The following USP5 variants were observed in gnomAD, a reference collection of about 807,000 sequenced individuals.
The protein encoded by USP5 is ubiquitin specific peptidase 5, also known as ubiquitin carboxyl-terminal hydrolase 5.
Under a neutral mutation model 102.5 loss-of-function variants are expected in USP5, and 24 were observed. The observed-to-expected ratio is 0.23, with a 90% CI of 0.17 to 0.33. USP5 has a LOEUF of 0.33. USP5 is among the 10% of genes least tolerant of loss of function. The pLI is 1.00. For synonymous variants in USP5, 460 were observed against 434.8 expected (o/e 1.06, Z -0.72); for missense variants, 753 against 1,122.1 (o/e 0.67, Z 4.70).
At chr12:6,852,471 C>T (rs1182134117) in intron 1 of USP5, among the ~76,000 whole-genome samples, 181 bp downstream of exon 1, 1 of 152,272 alleles carries the variant, frequency 6.6e-6, no homozygotes, top group Non-Finnish European at 1.5e-5. Flanking sequence ...ACTACCGTCC[C>T]CGGAAGCCGC....
rs1168954551 is a variant in USP5 at position 6,861,681 on chromosome 12, C to G, written c.1673+64C>G. ...GGCAGAGCTATCCCAGAGGATACTT[C>G]TGTCTCTTCCCTGTTCTTTCATCCC... is the stretch of plus-strand genomic sequence containing the variant. On this transcript the variant is annotated intron_variant, in intron 13 of 19. Coordinates refer to ENST00000229268, the MANE Select transcript of USP5 (RefSeq NM_001098536.2). The surrounding 1 kb of genome is among the most constrained non-coding windows in gnomAD (Gnocchi z 4.9). 1.4e-6 allele frequency: 2 copies of G among 1,409,894 alleles called. No individual in the cohort carries two copies. The highest frequency in any genetic ancestry group is 2.6e-5 in the Admixed American group (1 of 38,712). 87.3% of individuals were successfully genotyped at this position (1,409,894 alleles called of 1,614,324 possible).
chr12:6,861,724 A>C lies in USP5; in HGVS notation c.1673+107A>C, dbSNP rs1944283822. ...TTCATCCCTTTGTGGTTGGAACCTC[A>C]GGGTTGAATCAGTTGGGCTGGTAAT... On this transcript the variant is annotated intron_variant, in intron 13 of 19. Transcript: ENST00000229268. The surrounding 1 kb of genome is among the most constrained non-coding windows in gnomAD (Gnocchi z 4.9). 5 of 1,268,890 alleles carry C rather than the reference A, an allele frequency of 3.9e-6. No homozygotes were observed. The highest frequency in any genetic ancestry group is 5.1e-6 in the Non-Finnish European group (5 of 979,362). The allele number at this position is 1,268,890 out of a possible 1,614,324, so 78.6% of individuals were successfully genotyped here. A position where few individuals can be genotyped will look rare whatever the true frequency, so the allele number is the denominator to read the frequency against.
chr12:6,855,326 T>C lies in USP5; in HGVS notation c.112-75T>C. 1.3e-6 allele frequency: 2 copies of C among 1,578,118 alleles called. No homozygotes were observed. The highest frequency in any genetic ancestry group is 1.7e-6 in the Non-Finnish European group (2 of 1,160,332). Reference sequence around the variant, plus strand: ...CTTCTGGAACCCAGCAGTTTCTGACTCCAGGTTTTGGTTTCCTCACCTGAC... The same window carrying C: ...CTTCTGGAACCCAGCAGTTTCTGACCCCAGGTTTTGGTTTCCTCACCTGAC... On this transcript the variant is annotated intron_variant, in intron 1 of 19. Coordinates refer to ENST00000229268, the MANE Select transcript of USP5 (RefSeq NM_001098536.2). The surrounding 1 kb of genome is among the most constrained non-coding windows in gnomAD (Gnocchi z 4.6).
At position 6,858,364 on chromosome 12, in the gene USP5, C is replaced by T. The variant is rs925958472; in HGVS notation, c.865-60C>T. ...TATCATCCTAGACTCAGTGAGAGAT[C>T]GAGGTAAAAACTACAGGGTTGAGTT... is the stretch of plus-strand genomic sequence containing the variant. On this transcript the variant is annotated intron_variant, in intron 7 of 19. Transcript: ENST00000229268. This position sits in a 1 kb window ranked among gnomAD's most constrained non-coding sequence, Gnocchi z 4.2. The T allele has an allele frequency of 3.5e-5, 54 of 1,539,606 alleles. No individual in the cohort carries two copies. Among genetic ancestry groups the T allele is most frequent in the East Asian group, 4.6e-5 (2 of 43,778 alleles).
chr12:6,859,376 A>C, intron 8 of USP5, 94 bp from the exon 9 acceptor site: 1 of 1,274,904 alleles, frequency 7.8e-7, no homozygotes, highest in Non-Finnish European at 1.1e-6. Context: ...TCTTGAGGGG[A>C]GCCCGTTCAC....
At chr12:6,854,619 A>C (rs1407823093) in intron 1 of USP5, among the ~76,000 whole-genome samples, 1 of 151,154 alleles carries the variant, frequency 6.6e-6, no homozygotes, top group Middle Eastern at 3.4e-3. Context: ...AAATCTAGGC[A>C]TGGTGGCATG....
rs782639190 is a variant in USP5 at position 6,856,352 on chromosome 12, C to G, written c.486C>G (p.Arg162=). The change falls in exon 5 of 20, where the codon CGC becomes CGG. Residue 162 remains arginine (R), a synonymous_variant. Transcript: ENST00000229268. This position sits in a 1 kb window ranked among gnomAD's most constrained non-coding sequence, Gnocchi z 5.6. The part of the protein sequence containing the change: ...EALLSADSAS[R]KQEVQAWDGE... ...TACTGTCGGCCGACTCAGCCTCCCG[C>G]AAGCAGGAGGTGCAGGCATGGGATG... is the stretch of plus-strand genomic sequence containing the variant. The G allele has an allele frequency of 6.2e-7, 1 of 1,613,970 alleles. No individual in the cohort carries two copies. Among genetic ancestry groups the G allele is most frequent in the Non-Finnish European group, 8.5e-7 (1 of 1,179,972 alleles).
At chr12:6,862,425 A>G in intron 13 of USP5, 45 bp from the exon 14 acceptor site, 2 of 1,572,878 alleles carry the variant, frequency 1.3e-6, no homozygotes, top group Admixed American at 1.7e-5. Context: ...AGGAGAGGAA[A>G]ACCCTGGGGA....
At chr12:6,862,426 A>G in intron 13 of USP5, 44 bp from the exon 14 acceptor site, 1 of 1,573,486 alleles carries the variant, frequency 6.4e-7, no homozygotes, top group South Asian at 1.1e-5. Flanking sequence ...GGAGAGGAAA[A>G]CCCTGGGGAT....
rs782318890 is a variant in USP5 at position 6,864,737 on chromosome 12, C to T, written c.2260C>T (p.Arg754Trp). The T allele has an allele frequency of 6.8e-6, 11 of 1,610,610 alleles. No homozygotes were observed. The highest frequency in any genetic ancestry group is 3.3e-5 in the Admixed American group (2 of 59,994). The change falls in exon 18 of 20, where the codon CGG (arginine) becomes TGG (tryptophan). Residue 754 changes from arginine (R) to tryptophan (W), a missense_variant. By Grantham distance (101) the Arg-to-Trp change is moderately radical. This residue lies in a region of USP5 where 193 missense variants were observed against 230.2 expected (regional missense o/e 0.84). Transcript: ENST00000229268. This position sits in a 1 kb window ranked among gnomAD's most constrained non-coding sequence, Gnocchi z 4.8. ...ALRATNNSLE[R>W]AVDWIFSHID... ...CCTCTCCAAGAACAATAGTTTAGAA[C>T]GGGCTGTGGACTGGATCTTCAGTCA...
intron 1 of USP5, among the ~76,000 whole-genome samples, chr12:6,854,196 G>A (rs528906733): frequency 2.0e-5 from 3 of 152,340 alleles, no homozygotes; most frequent in Admixed American, 6.5e-5. Flanking sequence ...CAAGTGTTGC[G>A]AGATTGTTGT....
Position 6,861,517 on chromosome 12 carries a change from G to A in USP5, c.1573G>A (p.Ala525Thr), listed in dbSNP as rs782120052. 9 of 1,601,834 alleles carry A rather than the reference G, an allele frequency of 5.6e-6. No individual in the cohort carries two copies. The African/African-American group carries it at 1.1e-4, about 19-fold the overall frequency. ...EKMALPELVR[A>T]QVPFSSCLEA... ...GATGGCACTGCCAGAACTGGTTCGG[G>A]CCCAGGTGCCCTTCAGCTCTTGCCT... The change falls in exon 13 of 20, where the codon GCC becomes ACC. Residue 525 changes from alanine to threonine, a missense_variant. Around this residue, in one of 3 missense-constraint regions of USP5, gnomAD observed 527 missense variants for 816.5 expected, o/e 0.65. Transcript: ENST00000229268. This position sits in a 1 kb window ranked among gnomAD's most constrained non-coding sequence, Gnocchi z 4.9.
At chr12:6,859,077 C>T (rs1944199321) in intron 8 of USP5, among the ~76,000 whole-genome samples, 1 of 152,054 alleles carries the variant, frequency 6.6e-6, no homozygotes. Flanking sequence ...GGACATGTAG[C>T]ACTTGGGGAG....
chr12:6,853,550 C>T (rs781869988), intron 1 of USP5, among the ~76,000 whole-genome samples: 18 of 152,332 alleles, frequency 1.2e-4, no homozygotes, highest in African/African-American at 4.1e-4. Context: ...ACATTCTTCC[C>T]AGGAGGGAAA....
At position 6,852,824 on chromosome 12, in the gene USP5, C is replaced by T. The variant is rs1340905698; in HGVS notation, c.111+534C>T. 5.3e-5 allele frequency among the ~76,000 whole-genome samples: 8 copies of T among 152,244 alleles called. No homozygotes were observed. The East Asian group carries it at 1.2e-3, about 22-fold the overall frequency. On this transcript the variant is annotated intron_variant, in intron 1 of 19. Transcript: ENST00000229268. ...GAGAGCCTCCACCCCGTGGTTAAAA[C>T]AGACAGGGGGCGGGGAGGGGAGGAA...
Position 6,863,210 on chromosome 12 carries a change from A to T in USP5, c.1787A>T (p.Glu596Val). The change falls in exon 15 of 20, where the codon GAG (glutamate) becomes GTG (valine). Residue 596 changes from glutamate (E) to valine (V), a missense_variant. By Grantham distance (121) the Glu-to-Val change is moderately radical. Coordinates refer to ENST00000229268, the MANE Select transcript of USP5 (RefSeq NM_001098536.2). The surrounding 1 kb of genome is among the most constrained non-coding windows in gnomAD (Gnocchi z 4.7). ...KLDVSIEMPEELDISQLRGTG... is the reference protein window; with the variant it reads ...KLDVSIEMPEVLDISQLRGTG... ...GATGTGTCCATCGAGATGCCAGAGGAGCTCGACATCTCCCAGTTGAGGGGC... is the reference window on the plus strand; with the variant it reads ...GATGTGTCCATCGAGATGCCAGAGGTGCTCGACATCTCCCAGTTGAGGGGC... The T allele has an allele frequency of 6.2e-7, 1 of 1,613,504 alleles. No individual in the cohort carries two copies. Among genetic ancestry groups the T allele is most frequent in the South Asian group, 1.1e-5 (1 of 91,030 alleles).
Position 6,855,187 on chromosome 12 carries a change from G to C in USP5, c.112-214G>C, listed in dbSNP as rs965233748. Among the ~76,000 whole-genome samples the C allele has an allele frequency of 2.0e-5, 3 of 152,196 alleles. No individual in the cohort carries two copies. Among genetic ancestry groups the C allele is most frequent in the African/African-American group, 7.2e-5 (3 of 41,444 alleles). On this transcript the variant is annotated intron_variant, in intron 1 of 19. Transcript: ENST00000229268. This position sits in a 1 kb window ranked among gnomAD's most constrained non-coding sequence, Gnocchi z 4.6. The stretch of plus-strand genomic sequence containing the variant: ...TGTTCCTCAGCCCCCTGATGTCCTT[G>C]TTGGTTGTTATCAAAGTCATGGGAG...
chr12:6,856,929 AT>A lies in USP5; in HGVS notation c.769+39del. ...CTCCTCCAGCCACTCTCATGCTTAA[AT>A]ATATTTCATTTGTTAGTAATTTCGT... On this transcript the variant is annotated intron_variant, in intron 6 of 19. Coordinates refer to ENST00000229268, the MANE Select transcript of USP5 (RefSeq NM_001098536.2). The surrounding 1 kb of genome is among the most constrained non-coding windows in gnomAD (Gnocchi z 5.6). The A allele has an allele frequency of 6.3e-7, 1 of 1,596,790 alleles. No individual in the cohort carries two copies. The highest frequency in any genetic ancestry group is 8.5e-7 in the Non-Finnish European group (1 of 1,169,704).
chr12:6,865,354 G>C (rs1944410656), intron 19 of USP5, 106 bp downstream of exon 19: 1 of 1,021,844 alleles, frequency 9.8e-7, no homozygotes. Context: ...GGGACTGCCT[G>C]ATGGGGACAT....
Sources: gnomAD v4.1 joint callset for allele counts (sites outside exome capture counted in the v4.1 genomes callset) on GRCh38, gnomAD v4.1.1 for gene constraint, gnomAD v4.1.1 regional missense constraint, Gnocchi (gnomAD v3.1) non-coding constraint, MANE v1.5 for transcripts, NCBI Gene and HGNC (gene_info 2026-07-23, HGNC 2026-07-21) for gene names.